The following CLU variants were observed in gnomAD, a reference collection of about 807,000 sequenced individuals.
CLU encodes the protein clusterin.
In CLU, 25 loss-of-function variants were observed where a neutral mutation model predicts 46.4. That is an observed-to-expected ratio of 0.54 (90% CI 0.39 to 0.75). The LOEUF (loss-of-function observed/expected upper bound fraction) is 0.75, where lower values mean the gene tolerates loss of function less well. Among genes scored for constraint, CLU ranks in the 30% least tolerant of loss-of-function variants. The pLI, the probability that CLU is intolerant of heterozygous loss-of-function variation, is 0.00. For missense variants in CLU, 504 were observed against 592.1 expected (o/e 0.85, Z 1.54); for synonymous variants, 235 against 235.1 (o/e 1.00, Z 0.00).
intron 1 of CLU, chr8:27,611,623 C>T (rs1800932195): frequency 2.2e-6 from 1 of 457,776 alleles, no homozygotes; most frequent in South Asian, 1.5e-5. Context: ...ACAGAACCAA[C>T]AGGACGATGG....
rs1800655721 is a variant in CLU, at chr8:27,598,488, C to T, written c.1312G>A (p.Ala438Thr). Residue 438 changes from alanine to threonine, a missense_variant, in exon 8 of 9, where the codon GCG (alanine) becomes ACG (threonine). By Grantham distance (58) the Ala-to-Thr change is moderately conservative. Coordinates refer to ENST00000316403, the MANE Select transcript of CLU (RefSeq NM_001831.4). The stretch of plus-strand genomic sequence containing the variant: ...TGCTTTTTGCGGTATTCCTGCAGCG[C>T]TTTCTCCGCCACGGTCTCCATAAAT... Reference protein sequence around the residue: ...PKFMETVAEKALQEYRKKHRE... With the variant: ...PKFMETVAEKTLQEYRKKHRE... 3 of 1,613,994 alleles carry T rather than the reference C, an allele frequency of 1.9e-6. No homozygotes were observed. Among genetic ancestry groups the T allele is most frequent in the African/African-American group, 1.3e-5 (1 of 74,888 alleles).
chr8:27,601,710 T>G (rs1024049179), intron 6 of CLU, among the ~76,000 whole-genome samples: 10 of 152,168 alleles, frequency 6.6e-5, no homozygotes, highest in Non-Finnish European at 1.5e-4. Context: ...GTAAACAAAA[T>G]GTTAGGTGGG....
Position 27,599,914 on chromosome 8 carries a change from G to A in CLU, c.1030C>T (p.Leu344=), listed in dbSNP as rs777913565. ...ATCTTCCACTGGTAGGACTTTAGCAGCTCGTTGTATTTCCTGGTCAACCTC... is the reference window on the plus strand; with the variant it reads ...ATCTTCCACTGGTAGGACTTTAGCAACTCGTTGTATTTCCTGGTCAACCTC... ...AERLTRKYNE[L]LKSYQWKMLN... The change falls in exon 7 of 9, where the codon CTG becomes TTG. Residue 344 remains leucine, a synonymous_variant. Transcript: ENST00000316403. This position sits in a 1 kb window ranked among gnomAD's most constrained non-coding sequence, Gnocchi z 4.0. 6.2e-6 allele frequency: 10 copies of A among 1,614,082 alleles called. No homozygotes were observed. In the South Asian group the frequency reaches 9.9e-5, roughly 16 times the overall value.
chr8:27,600,159 C>A (rs763893898), intron 6 of CLU, 150 bp from the exon 7 acceptor site: 2 of 685,658 alleles, frequency 2.9e-6, no homozygotes, highest in Non-Finnish European at 5.3e-6. Context: ...TTGTCCACGA[C>A]AAAATAAAGG....
intron 3 of CLU, among the ~76,000 whole-genome samples, chr8:27,607,775 C>A (rs1489880339): frequency 3.3e-5 from 5 of 151,842 alleles, no homozygotes; most frequent in African/African-American, 9.7e-5. Context: ...CTATCCACAC[C>A]CCAGAGTTAG....
intron 8 of CLU, 29 bp downstream of exon 8, chr8:27,598,431 A>C (rs1286577370): frequency 1.2e-6 from 2 of 1,612,784 alleles, no homozygotes; most frequent in African/African-American, 2.7e-5. Context: ...TGGGCCCTGC[A>C]GGCCCGCAGG....
At chr8:27,611,811 G>A (rs915040630) in intron 1 of CLU, 10 of 454,270 alleles carry the variant, frequency 2.2e-5, no homozygotes, top group Non-Finnish European at 4.4e-5. Flanking sequence ...ATGGGGTAGG[G>A]GGCGGAGACC....
At position 27,599,002 on chromosome 8, in the gene CLU, C is replaced by G. The variant is rs1800668465; in HGVS notation, c.1165-367G>C. ...AAAAGAAAAAGAAGAGTTCCCAGTA[C>G]TAGAAATAAGTTTTATTTGATTTTT... is the stretch of plus-strand genomic sequence containing the variant. On this transcript the variant is annotated intron_variant, in intron 7 of 8. Transcript: ENST00000316403. This position sits in a 1 kb window ranked among gnomAD's most constrained non-coding sequence, Gnocchi z 4.0. The G allele has an allele frequency of 6.2e-6, 1 of 161,892 alleles. No individual in the cohort carries two copies. The highest frequency in any genetic ancestry group is 2.4e-5 in the African/African-American group (1 of 41,650). 10.0% of individuals were successfully genotyped at this position (161,892 alleles called of 1,614,324 possible).
At position 27,598,594 on chromosome 8, in the gene CLU, G is replaced by A; in HGVS notation, c.1206C>T (p.Val402=). The A allele has an allele frequency of 6.2e-7, 1 of 1,614,186 alleles. No homozygotes were observed. The highest frequency in any genetic ancestry group is 1.1e-5 in the South Asian group (1 of 91,082). Residue 402 remains valine (V), a synonymous_variant, in exon 8 of 9, where the codon GTC becomes GTT. Coordinates refer to ENST00000316403, the MANE Select transcript of CLU (RefSeq NM_001831.4). ...HTSDSDVPSG[V]TEVVVKLFDS... ...CAAAGAGCTTCACGACCACCTCAGT[G>A]ACACCGGAAGGAACGTCCGAGTCAG...
At chr8:27,603,902 A>G (rs948275888) in intron 6 of CLU, among the ~76,000 whole-genome samples, 4 of 152,208 alleles carry the variant, frequency 2.6e-5, no homozygotes, top group Admixed American at 2.6e-4. Context: ...CAAAACACAT[A>G]CTGTCTGCAA....
chr8:27,604,880 C>G, intron 5 of CLU, 44 bp downstream of exon 5: 2 of 1,610,148 alleles, frequency 1.2e-6, no homozygotes, highest in Non-Finnish European at 1.7e-6. Context: ...TTCTCAGCAT[C>G]TAACGAGTTG....
Position 27,604,309 on chromosome 8 carries a change from G to A in CLU, c.916C>T (p.Arg306Trp). The A allele has an allele frequency of 2.5e-6, 4 of 1,613,888 alleles. No individual in the cohort carries two copies. Among genetic ancestry groups the A allele is most frequent in the South Asian group, 1.1e-5 (1 of 91,070 alleles). ...LRMKDQCDKC[R>W]EILSVDCSTN... Reference sequence around the variant, plus strand: ...GACTCACCCACAGACAAGATCTCCCGGCACTTGTCACACTGGTCCTTCATC... The same window carrying A: ...GACTCACCCACAGACAAGATCTCCCAGCACTTGTCACACTGGTCCTTCATC... Residue 306 changes from arginine to tryptophan, a missense_variant, in exon 6 of 9, where the codon CGG becomes TGG. Transcript: ENST00000316403.
intron 1 of CLU, chr8:27,612,038 G>A (rs925684322): frequency 8.9e-6 from 3 of 336,006 alleles, no homozygotes; most frequent in African/African-American, 6.5e-5. Flanking sequence ...CATGAAGAAT[G>A]GGGCAGCCAA....
intron 2 of CLU, among the ~76,000 whole-genome samples, chr8:27,609,533 A>G (rs1267105541): frequency 6.6e-6 from 1 of 152,256 alleles, no homozygotes; most frequent in African/African-American, 2.4e-5. Flanking sequence ...GGCGACAGGA[A>G]TAAGAAGATG....
rs777850013 is a variant in CLU at position 27,608,993 on chromosome 8, T to C, written c.191A>G (p.Asn64Ser). Residue 64 changes from asparagine to serine, a missense_variant, in exon 3 of 9, where the codon AAC becomes AGC. Asn to Ser is a conservative substitution (Grantham distance 46). Around this residue, in one of 3 missense-constraint regions of CLU, gnomAD observed 73 missense variants for 91.2 expected, o/e 0.80. Transcript: ENST00000316403. ...KQIKTLIEKT[N>S]EERKTLLSNL... The stretch of plus-strand genomic sequence containing the variant: ...GCTGAGCAGTGTCTTGCGCTCTTCG[T>C]TTGTTTTTTCTATGAGAGTCTTTAT... 6.2e-7 allele frequency: 1 copy of C among 1,614,250 alleles called. No individual in the cohort carries two copies. Among genetic ancestry groups the C allele is most frequent in the Admixed American group, 1.7e-5 (1 of 60,034 alleles).
intron 4 of CLU, among the ~76,000 whole-genome samples, chr8:27,605,710 G>A (rs751292131): frequency 6.6e-6 from 1 of 152,196 alleles, no homozygotes; most frequent in Non-Finnish European, 1.5e-5. Context: ...AAGCCCTGCA[G>A]CAGAGGACAG....
At chr8:27,598,277 A>G in intron 8 of CLU, 27 bp from the exon 9 acceptor site, 1 of 1,613,380 alleles carries the variant, frequency 6.2e-7, no homozygotes. Flanking sequence ...TTATCCTCCA[A>G]AGTAAAACAT....
At chr8:27,607,534 A>G (rs1339735702) in intron 3 of CLU, among the ~76,000 whole-genome samples, 3 of 152,120 alleles carry the variant, frequency 2.0e-5, no homozygotes, top group Non-Finnish European at 4.4e-5. Context: ...ATGGTACATC[A>G]TTACAAAGGA....
chr8:27,603,678 G>C (rs753762971), intron 6 of CLU, among the ~76,000 whole-genome samples: 8 of 152,212 alleles, frequency 5.3e-5, no homozygotes, highest in Non-Finnish European at 1.2e-4. Flanking sequence ...CAGGTACTGA[G>C]ACCCGTGACT....
Sources: allele counts gnomAD v4.1 joint callset (sites outside exome capture counted in the v4.1 genomes callset), GRCh38; gene constraint gnomAD v4.1.1; regional missense constraint gnomAD v4.1.1; non-coding constraint Gnocchi (gnomAD v3.1); transcripts MANE v1.5; gene names NCBI Gene and HGNC (gene_info 2026-07-23, HGNC 2026-07-21).